The following FGFR4 variants were observed in gnomAD, a reference collection of about 807,000 sequenced individuals.
FGFR4 encodes fibroblast growth factor receptor 4.
Under a neutral mutation model 89.9 loss-of-function variants are expected in FGFR4, and 63 were observed. The ratio of observed to expected loss-of-function variants is 0.70; its 90% CI spans 0.57 to 0.86. The LOEUF (loss-of-function observed/expected upper bound fraction) is 0.86. FGFR4 is among the 40% of genes least tolerant of loss of function. The pLI is 0.00. For synonymous variants in FGFR4, 486 were observed against 479.4 expected (o/e 1.01, Z -0.18); for missense variants, 928 against 1,106.7 (o/e 0.84, Z 2.29).
intron 6 of FGFR4, 30 bp downstream of exon 6, chr5:177,091,838 C>G: frequency 6.2e-7 from 1 of 1,612,226 alleles, no homozygotes. Context: ...CAGGGGAGGC[C>G]TGACCCATTT....
At position 177,098,099 on chromosome 5, in the gene FGFR4, G is replaced by A. The variant is rs1421243041; in HGVS notation, c.*423G>A. On this transcript the variant is annotated 3_prime_UTR_variant, in exon 18 of 18. Coordinates refer to ENST00000292408, the MANE Select transcript of FGFR4 (RefSeq NM_213647.3). The surrounding 1 kb of genome is among the most constrained non-coding windows in gnomAD (Gnocchi z 4.5). Reference sequence around the variant, plus strand: ...CCTGCCGAAAACAGGAGCAAATGGCGTTTTATAAATTATTTTTTTGAAATA... The same window carrying A: ...CCTGCCGAAAACAGGAGCAAATGGCATTTTATAAATTATTTTTTTGAAATA... 5 of 241,732 alleles carry A rather than the reference G, an allele frequency of 2.1e-5. No individual in the cohort carries two copies. Among genetic ancestry groups the A allele is most frequent in the East Asian group, 1.8e-4 (3 of 16,814 alleles). 15.0% of individuals were successfully genotyped at this position (241,732 alleles called of 1,614,324 possible). A position where few individuals can be genotyped will look rare whatever the true frequency, so the allele number is the denominator to read the frequency against.
In FGFR4 at chr5:177,097,826, A is replaced by G. The variant is rs977844764; in HGVS notation, c.*150A>G. ...CCAAGGGCCGTGCCCTTGCCCTTGG[A>G]GCTGCCGTGCCTGTGTCCTGATGGC... On this transcript the variant is annotated 3_prime_UTR_variant, in exon 18 of 18. Coordinates refer to ENST00000292408, the MANE Select transcript of FGFR4 (RefSeq NM_213647.3). The G allele has an allele frequency of 5.2e-6, 5 of 963,156 alleles. No individual in the cohort carries two copies. The highest frequency in any genetic ancestry group is 7.4e-6 in the Non-Finnish European group (5 of 676,592). The allele number at this position is 963,156 out of a possible 1,614,324, so 59.7% of individuals were successfully genotyped here.
In FGFR4 at chr5:177,095,934, A is replaced by G; in HGVS notation, c.1822-123A>G. ...GCAGGAGAAGGCACTCCCCGTTTCT[A>G]AACCTTGACCTCCTCCTCTGTAAAG... On this transcript the variant is annotated intron_variant, in intron 13 of 17. Coordinates refer to ENST00000292408, the MANE Select transcript of FGFR4 (RefSeq NM_213647.3). This position sits in a 1 kb window ranked among gnomAD's most constrained non-coding sequence, Gnocchi z 5.7. The G allele has an allele frequency of 1.4e-6, 2 of 1,407,856 alleles. No homozygotes were observed. Among genetic ancestry groups the G allele is most frequent in the Non-Finnish European group, 1.9e-6 (2 of 1,059,140 alleles). 87.2% of individuals were successfully genotyped at this position (1,407,856 alleles called of 1,614,324 possible).
chr5:177,089,946 CT>C, intron 2 of FGFR4: 1 of 697,504 alleles, frequency 1.4e-6, no homozygotes, highest in Non-Finnish European at 2.6e-6. Flanking sequence ...TGGTGGTGAG[CT>C]CCTTACCTGG....
rs772069559 is a variant in FGFR4 at position 177,092,519 on chromosome 5, GTGCACCCTGC to G, written c.918+13_918+22del. On this transcript the variant is annotated intron_variant, in intron 7 of 17. Coordinates refer to ENST00000292408, the MANE Select transcript of FGFR4 (RefSeq NM_213647.3). ...TATGTGCAAGTCCTAAAGGTAAAAG[GTGCACCCTGC>G]TGCAGCCTGGGCCCCATTCTTCTCC... is the stretch of plus-strand genomic sequence containing the variant. 3 of 1,570,542 alleles carry G rather than the reference GTGCACCCTGC, an allele frequency of 1.9e-6. No homozygotes were observed. In the East Asian group the frequency reaches 7.0e-5, roughly 37 times the overall value.
At position 177,095,085 on chromosome 5, in the gene FGFR4, C is replaced by T. The variant is rs748869029; in HGVS notation, c.1520-245C>T. On this transcript the variant is annotated intron_variant, in intron 11 of 17. Transcript: ENST00000292408. This position sits in a 1 kb window ranked among gnomAD's most constrained non-coding sequence, Gnocchi z 5.7. Reference sequence around the variant, plus strand: ...CGCTGGAAGGCCTGCCTCTTAGATCCTTGATACAGTTGCATCCTTGCAACT... The same window carrying T: ...CGCTGGAAGGCCTGCCTCTTAGATCTTTGATACAGTTGCATCCTTGCAACT... The T allele has an allele frequency of 7.6e-5, 39 of 511,708 alleles. No homozygotes were observed. Among genetic ancestry groups the T allele is most frequent in the South Asian group, 1.5e-4 (7 of 48,126 alleles). 31.7% of individuals were successfully genotyped at this position (511,708 alleles called of 1,614,324 possible). A position where few individuals can be genotyped will look rare whatever the true frequency, so the allele number is the denominator to read the frequency against.
chr5:177,095,719 G>A lies in FGFR4; in HGVS notation c.1817G>A (p.Arg606Gln), dbSNP rs757092386. The A allele has an allele frequency of 7.3e-5, 116 of 1,599,722 alleles. No homozygotes were observed. The highest frequency in any genetic ancestry group is 4.9e-4 in the East Asian group (22 of 44,616). ...CGAGGCATGCAGTATCTGGAGTCCC[G>A]GAAGGTACAGGCGCTAGGGCTCTGA... Reference protein sequence around the residue: ...VARGMQYLESRKCIHRDLAAR... With the variant: ...VARGMQYLESQKCIHRDLAAR... The change falls in exon 13 of 18, where the codon CGG becomes CAG. Residue 606 changes from arginine to glutamine, a missense_variant. Physicochemically the swap from Arg to Gln is conservative, Grantham distance 43. Around this residue, in one of 5 missense-constraint regions of FGFR4, gnomAD observed 741 missense variants for 836.9 expected, o/e 0.89. Coordinates refer to ENST00000292408, the MANE Select transcript of FGFR4 (RefSeq NM_213647.3). This position sits in a 1 kb window ranked among gnomAD's most constrained non-coding sequence, Gnocchi z 5.7.
intron 5 of FGFR4, 48 bp downstream of exon 5, chr5:177,091,152 T>G: frequency 1.3e-6 from 2 of 1,495,192 alleles, no homozygotes; most frequent in Non-Finnish European, 1.8e-6. Context: ...TTTCATTCCT[T>G]CATCAGTCCC....
Position 177,095,833 on chromosome 5 carries a change from C to G in FGFR4, c.1821+110C>G. 7.8e-7 allele frequency: 1 copy of G among 1,289,214 alleles called. No individual in the cohort carries two copies. The highest frequency in any genetic ancestry group is 1.5e-5 in the South Asian group (1 of 65,012). 79.9% of individuals were successfully genotyped at this position (1,289,214 alleles called of 1,614,324 possible). A position where few individuals can be genotyped will look rare whatever the true frequency, so the allele number is the denominator to read the frequency against. ...TCTCTGCTCTTTTTCATGACCCCAC[C>G]TCAGTGTCCCCAGGCATTCACGCTT... On this transcript the variant is annotated intron_variant, in intron 13 of 17. Coordinates refer to ENST00000292408, the MANE Select transcript of FGFR4 (RefSeq NM_213647.3). The surrounding 1 kb of genome is among the most constrained non-coding windows in gnomAD (Gnocchi z 5.7).
rs768489149 is a variant in FGFR4 at position 177,090,788 on chromosome 5, T to C, written c.399T>C (p.His133=). The C allele has an allele frequency of 1.9e-6, 3 of 1,613,804 alleles. No homozygotes were observed. The highest frequency in any genetic ancestry group is 3.3e-5 in the Admixed American group (2 of 60,004). The stretch of plus-strand genomic sequence containing the variant: ...ACGATGATGAGGACCCCAAGTCCCA[T>C]AGGGACCCCTCGAATAGGCACAGTT... ...SSNDDEDPKS[H]RDPSNRHSYP... is the part of the protein sequence containing the mutation. Residue 133 remains histidine, a synonymous_variant, in exon 4 of 18, where the codon CAT becomes CAC. Coordinates refer to ENST00000292408, the MANE Select transcript of FGFR4 (RefSeq NM_213647.3).
chr5:177,093,515 T>C lies in FGFR4; in HGVS notation c.1361T>C (p.Leu454Pro). 6.2e-7 allele frequency: 1 copy of C among 1,613,894 alleles called. No homozygotes were observed. Among genetic ancestry groups the C allele is most frequent in the Non-Finnish European group, 8.5e-7 (1 of 1,179,998 alleles). Reference sequence around the variant, plus strand: ...CTCGCCGGCCTCGTGAGTCTAGATCTACCTCTCGACCCACTATGGGAGTTC... The same window carrying C: ...CTCGCCGGCCTCGTGAGTCTAGATCCACCTCTCGACCCACTATGGGAGTTC... ...ALLAGLVSLDLPLDPLWEFPR... is the reference protein window; with the variant it reads ...ALLAGLVSLDPPLDPLWEFPR... The change falls in exon 10 of 18, where the codon CTA becomes CCA. Residue 454 changes from leucine to proline, a missense_variant. This residue lies in a region of FGFR4 where 741 missense variants were observed against 836.9 expected (regional missense o/e 0.89). Coordinates refer to ENST00000292408, the MANE Select transcript of FGFR4 (RefSeq NM_213647.3). The surrounding 1 kb of genome is among the most constrained non-coding windows in gnomAD (Gnocchi z 5.8).
Position 177,091,757 on chromosome 5 carries a change from G to A in FGFR4, c.676G>A (p.Val226Ile), listed in dbSNP as rs1314057724. Residue 226 changes from valine to isoleucine, a missense_variant, in exon 6 of 18, where the codon GTA (valine) becomes ATA (isoleucine). Val to Ile is a conservative substitution (Grantham distance 29). Around this residue, in one of 5 missense-constraint regions of FGFR4, gnomAD observed 741 missense variants for 836.9 expected, o/e 0.89. Transcript: ENST00000292408. ...PSDRGTYTCL[V>I]ENAVGSIRYN... ...GGACCGCGGCACATACACCTGCCTG[G>A]TAGAGAACGCTGTGGGCAGCATCCG... The A allele has an allele frequency of 3.1e-6, 5 of 1,614,244 alleles. No individual in the cohort carries two copies. The South Asian group carries it at 3.3e-5, about 11-fold the overall frequency.
At position 177,087,520 on chromosome 5, in the gene FGFR4, C is replaced by A; in HGVS notation, c.-54+443C>A. The A allele has an allele frequency of 1.0e-6, 1 of 954,438 alleles. No homozygotes were observed. The highest frequency in any genetic ancestry group is 1.2e-6 in the Non-Finnish European group (1 of 801,778). 59.1% of individuals were successfully genotyped at this position (954,438 alleles called of 1,614,324 possible). The stretch of plus-strand genomic sequence containing the variant: ...GCGAGTGCGGGAGGCTGAAGGAGAA[C>A]CCAGGACTGTCTGATGCCTAAGGCA... On this transcript the variant is annotated intron_variant, in intron 1 of 17. Transcript: ENST00000292408. The surrounding 1 kb of genome is among the most constrained non-coding windows in gnomAD (Gnocchi z 6.1).
Position 177,096,733 on chromosome 5 carries a change from C to T in FGFR4, c.2145C>T (p.Pro715=). ...GGATGGACCGACCCCCACACTGCCC[C>T]CCAGAGCTGTGAGGCCTCACCCTGC... ...GHRMDRPPHC[P]PELYGLMREC... Residue 715 remains proline (P), a synonymous_variant, in exon 16 of 18, where the codon CCC becomes CCT. Transcript: ENST00000292408. 1 of 1,579,096 alleles carries T rather than the reference C, an allele frequency of 6.3e-7. No homozygotes were observed. Among genetic ancestry groups the T allele is most frequent in the Non-Finnish European group, 8.6e-7 (1 of 1,162,102 alleles).
chr5:177,096,822 G>C, intron 16 of FGFR4, 81 bp downstream of exon 16: 1 of 1,500,482 alleles, frequency 6.7e-7, no homozygotes, highest in South Asian at 1.3e-5. Flanking sequence ...GGTGTGTCCC[G>C]GCCAGAAGGA....
At chr5:177,091,397 G>A (rs3135922) in intron 5 of FGFR4, among the ~76,000 whole-genome samples, 4 of 152,282 alleles carry the variant, frequency 2.6e-5, no homozygotes, top group South Asian at 2.1e-4. Flanking sequence ...CTGCAGGGTC[G>A]GCTCCATGCT....
rs751153224 is a variant in FGFR4 at position 177,093,387 on chromosome 5, C to A, written c.1252-19C>A. The A allele has an allele frequency of 1.1e-5, 18 of 1,613,972 alleles. No homozygotes were observed. In the East Asian group the frequency reaches 4.0e-4, roughly 36 times the overall value. ...ACAGCCTGACTCCAGCAGGCAGAAC[C>A]AAGTCTCCCACTTTGCAGTTCTCCC... On this transcript the variant is annotated intron_variant, in intron 9 of 17. Transcript: ENST00000292408. This position sits in a 1 kb window ranked among gnomAD's most constrained non-coding sequence, Gnocchi z 5.8.
At chr5:177,094,089 T>A (rs1232080393) in intron 11 of FGFR4, among the ~76,000 whole-genome samples, 1 of 151,524 alleles carries the variant, frequency 6.6e-6, no homozygotes, top group Non-Finnish European at 1.5e-5. Context: ...AATAAATAAA[T>A]AAAAATAAAA....
At position 177,087,633 on chromosome 5, in the gene FGFR4, G is replaced by A; in HGVS notation, c.-54+556G>A. 6.1e-6 allele frequency: 6 copies of A among 985,356 alleles called. No homozygotes were observed. The highest frequency in any genetic ancestry group is 7.2e-6 in the Non-Finnish European group (6 of 829,904). The allele number at this position is 985,356 out of a possible 1,614,324, so 61.0% of individuals were successfully genotyped here. A position where few individuals can be genotyped will look rare whatever the true frequency, so the allele number is the denominator to read the frequency against. ...AAGGACTCTGATATCAGGGCAGCCT[G>A]GGGTAGGAATAAACTCCCCGGGCCT... On this transcript the variant is annotated intron_variant, in intron 1 of 17. Coordinates refer to ENST00000292408, the MANE Select transcript of FGFR4 (RefSeq NM_213647.3). This position sits in a 1 kb window ranked among gnomAD's most constrained non-coding sequence, Gnocchi z 6.1.
Sources: gnomAD v4.1 joint callset for allele counts (sites outside exome capture counted in the v4.1 genomes callset) on GRCh38, gnomAD v4.1.1 for gene constraint, gnomAD v4.1.1 regional missense constraint, Gnocchi (gnomAD v3.1) non-coding constraint, MANE v1.5 for transcripts, NCBI Gene and HGNC (gene_info 2026-07-23, HGNC 2026-07-21) for gene names.